RBFOX3: variants seen among roughly 807,000 people sequenced by gnomAD.
RBFOX3 encodes RNA binding fox-1 homolog 3, also known as RNA binding protein fox-1 homolog 3.
RBFOX3 carries 17 observed loss-of-function variants against 48.7 expected under a neutral mutation model. The ratio of observed to expected loss-of-function variants is 0.35; its 90% CI spans 0.24 to 0.52. RBFOX3 has a LOEUF of 0.52. Among genes scored for constraint, RBFOX3 ranks in the 20% least tolerant of loss-of-function variants. The probability of loss-of-function intolerance (pLI) is 0.94; values close to 1 mark genes in which losing one functional copy is unlikely to be tolerated. For synonymous variants in RBFOX3, 212 were observed against 209.5 expected (o/e 1.01, Z -0.10); for missense variants, 382 against 497.5 (o/e 0.77, Z 2.21).
chr17:79,336,428 G>GA (rs34229023), intron 2 of RBFOX3, among the ~76,000 whole-genome samples: 170 of 150,342 alleles, frequency 1.1e-3, no homozygotes, highest in African/African-American at 3.1e-3. Context: ...AAAATAAATT[G>GA]AAAAAAAAAA....
intron 3 of RBFOX3, among the ~76,000 whole-genome samples, chr17:79,303,532 A>C (rs915429009): frequency 1.3e-5 from 2 of 151,988 alleles, no homozygotes; most frequent in Non-Finnish European, 2.9e-5. Flanking sequence ...AAGTCCCCTG[A>C]GCATTTTCTC....
rs2076743152 is a variant in RBFOX3, at chr17:79,103,090, G to A, written c.507+72C>T. 1.7e-6 allele frequency: 2 copies of A among 1,163,470 alleles called. No homozygotes were observed. The highest frequency in any genetic ancestry group is 1.3e-6 in the Non-Finnish European group (1 of 797,706). The allele number at this position is 1,163,470 out of a possible 1,614,324, so 72.1% of individuals were successfully genotyped here. ...GAAGGGTGCGGCAGTGGCAGGGCTG[G>A]TTGGTTGGGGGAGCTGGGGGGCAGG... On this transcript the variant is annotated intron_variant, in intron 8 of 14. Coordinates refer to ENST00000693108, the MANE Select transcript of RBFOX3 (RefSeq NM_001350451.2). The surrounding 1 kb of genome is among the most constrained non-coding windows in gnomAD (Gnocchi z 6.1).
intron 5 of RBFOX3, among the ~76,000 whole-genome samples, chr17:79,112,480 G>A (rs576336511): frequency 4.6e-4 from 70 of 152,290 alleles, no homozygotes; most frequent in Admixed American, 2.6e-4. Flanking sequence ...AGGCCTTTCC[G>A]GAGCTGGGGC....
At chr17:79,599,225 G>T (rs1309679606) in intron 1 of RBFOX3, 1 of 152,178 alleles carries the variant, frequency 6.6e-6, no homozygotes, top group Non-Finnish European at 1.5e-5. Context: ...TGGCCAGCAC[G>T]CATGTGTAGG....
At chr17:79,317,134 C>A (rs953640839) in intron 2 of RBFOX3, among the ~76,000 whole-genome samples, 1 of 152,168 alleles carries the variant, frequency 6.6e-6, no homozygotes, top group African/African-American at 2.4e-5. Flanking sequence ...CCCACGGCCA[C>A]CCCCCTCATT....
At chr17:79,221,625 T>A (rs1041858869) in intron 4 of RBFOX3, among the ~76,000 whole-genome samples, 2 of 152,204 alleles carry the variant, frequency 1.3e-5, no homozygotes, top group Non-Finnish European at 2.9e-5. Flanking sequence ...TCCGGGCGAA[T>A]TCATGATCGT....
chr17:79,268,235 C>T (rs960437175), intron 3 of RBFOX3, among the ~76,000 whole-genome samples: 42 of 152,292 alleles, frequency 2.8e-4, no homozygotes, highest in African/African-American at 1.0e-3. Flanking sequence ...ACCATCTAGC[C>T]AGACCCTGGC....
intron 2 of RBFOX3, among the ~76,000 whole-genome samples, chr17:79,400,125 G>A (rs2148394566): frequency 6.6e-6 from 1 of 152,242 alleles, no homozygotes; most frequent in Non-Finnish European, 1.5e-5. Flanking sequence ...GAAAAAGTCT[G>A]ACAGTGAAAC....
intron 2 of RBFOX3, among the ~76,000 whole-genome samples, chr17:79,465,255 A>G (rs1340420329): frequency 1.3e-5 from 2 of 152,234 alleles, no homozygotes; most frequent in Non-Finnish European, 2.9e-5. Flanking sequence ...TGTTCAGGCC[A>G]CATAGAAACC....
intron 4 of RBFOX3, among the ~76,000 whole-genome samples, chr17:79,210,907 AG>A (rs953697859): frequency 1.3e-5 from 2 of 149,922 alleles, no homozygotes; most frequent in Non-Finnish European, 3.0e-5. Flanking sequence ...ACCTCTGCAG[AG>A]GGATGGGCCA....
At chr17:79,173,870 G>A (rs923228385) in intron 4 of RBFOX3, among the ~76,000 whole-genome samples, 2 of 145,572 alleles carry the variant, frequency 1.4e-5, no homozygotes, top group Admixed American at 6.9e-5. Flanking sequence ...TCCCCACGCT[G>A]AGTACAGAGC....
At chr17:79,320,330 C>A (rs2078324941) in intron 2 of RBFOX3, among the ~76,000 whole-genome samples, 1 of 152,166 alleles carries the variant, frequency 6.6e-6, no homozygotes, top group Admixed American at 6.5e-5. Context: ...CAGTCCAGAC[C>A]CCTACCAGTG....
At chr17:79,478,311 G>T (rs940002914) in intron 2 of RBFOX3, among the ~76,000 whole-genome samples, 7 of 152,230 alleles carry the variant, frequency 4.6e-5, no homozygotes, top group Admixed American at 6.5e-5. Context: ...GAGGGTGGGG[G>T]CCGGGGTGGA....
chr17:79,107,541 G>A (rs1267941471), intron 5 of RBFOX3, among the ~76,000 whole-genome samples: 1 of 152,238 alleles, frequency 6.6e-6, no homozygotes, highest in African/African-American at 2.4e-5. Context: ...CTTTTCCTGC[G>A]TGGTCTTCTC....
intron 4 of RBFOX3, among the ~76,000 whole-genome samples, chr17:79,122,055 C>T (rs1479257929): frequency 6.6e-6 from 1 of 152,006 alleles, no homozygotes; most frequent in African/African-American, 2.4e-5. Flanking sequence ...GAAACACCTG[C>T]CCCCCAGTCC....
intron 6 of RBFOX3, 39 bp from the exon 7 acceptor site, chr17:79,104,165 G>C: frequency 6.6e-7 from 1 of 1,519,264 alleles, no homozygotes; most frequent in South Asian, 1.2e-5. Context: ...GGGCAGACAG[G>C]AAAGTGCGGG....
chr17:79,552,367 C>T (rs1392775372), intron 1 of RBFOX3, among the ~76,000 whole-genome samples: 1 of 152,122 alleles, frequency 6.6e-6, no homozygotes, highest in Non-Finnish European at 1.5e-5. Flanking sequence ...GCTTAAACAT[C>T]ACACATCAGC....
intron 2 of RBFOX3, among the ~76,000 whole-genome samples, chr17:79,449,744 G>A (rs781876130): frequency 1.3e-5 from 2 of 151,996 alleles, no homozygotes; most frequent in African/African-American, 2.4e-5. Context: ...AGCTCTGGGG[G>A]CGCACATACA....
intron 4 of RBFOX3, among the ~76,000 whole-genome samples, chr17:79,191,426 G>C (rs2054498604): frequency 6.6e-6 from 1 of 152,250 alleles, no homozygotes; most frequent in Non-Finnish European, 1.5e-5. Context: ...CAGAATGTGA[G>C]GGGCGGGCAC....
Sources: gnomAD v4.1 joint callset for allele counts (sites outside exome capture counted in the v4.1 genomes callset) on GRCh38, gnomAD v4.1.1 for gene constraint, Gnocchi (gnomAD v3.1) non-coding constraint, MANE v1.5 for transcripts, NCBI Gene and HGNC (gene_info 2026-07-23, HGNC 2026-07-21) for gene names.